The following SLC2A14 variants were observed in gnomAD, a reference collection of about 807,000 sequenced individuals.
SLC2A14 encodes the protein solute carrier family 2, facilitated glucose transporter member 14.
SLC2A14 carries 13 observed loss-of-function variants against 43.0 expected under a neutral mutation model. The ratio of observed to expected loss-of-function variants is 0.30; its 90% CI spans 0.20 to 0.48. The LOEUF is 0.48. Ranked by LOEUF, SLC2A14 falls within the 20% of genes least tolerant of loss-of-function variation. SLC2A14 has a pLI of 0.99. For missense variants in SLC2A14, 428 were observed against 620.4 expected (o/e 0.69, Z 3.29); for synonymous variants, 190 against 233.8 (o/e 0.81, Z 1.71).
At position 7,812,980 on chromosome 12, in the gene SLC2A14, T is replaced by C. The variant is rs1863157830; in HGVS notation, c.*1336A>G. Reference sequence around the variant, plus strand: ...CTGCACTGCACATTGACTCATACTGTCTAAACCTGGTTTATTGGAAAGATT... The same window carrying C: ...CTGCACTGCACATTGACTCATACTGCCTAAACCTGGTTTATTGGAAAGATT... On this transcript the variant is annotated 3_prime_UTR_variant, in exon 11 of 11. Transcript: ENST00000431042. 1 of 152,066 alleles carries C rather than the reference T, an allele frequency of 6.6e-6. No homozygotes were observed. The highest frequency in any genetic ancestry group is 2.4e-5 in the African/African-American group (1 of 41,382). The allele number at this position is 152,066 out of a possible 1,614,324, so 9.4% of individuals were successfully genotyped here. A position where few individuals can be genotyped will look rare whatever the true frequency, so the allele number is the denominator to read the frequency against.
chr12:7,835,329 G>A (rs1032361357), intron 2 of SLC2A14, among the ~76,000 whole-genome samples: 1 of 152,156 alleles, frequency 6.6e-6, no homozygotes, highest in African/African-American at 2.4e-5. Context: ...AGAGGTTGCA[G>A]TCAGCCGAGA....
At position 7,829,927 on chromosome 12, in the gene SLC2A14, C is replaced by T; in HGVS notation, c.352G>A (p.Val118Ile). The change falls in exon 5 of 11, where the codon GTT becomes ATT. Residue 118 changes from valine (V) to isoleucine (I), a missense_variant. Transcript: ENST00000431042. Reference protein sequence around the residue: ...LMGLCKIAESVEMLILGRLVI... With the variant: ...LMGLCKIAESIEMLILGRLVI... ...AAGCGGCCCAGGATCAGCATTTCAA[C>T]TGACTCAGCTATTTTACACAGTCCC... is the stretch of plus-strand genomic sequence containing the variant. 1 of 1,614,238 alleles carries T rather than the reference C, an allele frequency of 6.2e-7. No individual in the cohort carries two copies. The highest frequency in any genetic ancestry group is 8.5e-7 in the Non-Finnish European group (1 of 1,180,036).
intron 1 of SLC2A14, among the ~76,000 whole-genome samples, chr12:7,887,415 C>T (rs1273598670): frequency 6.6e-6 from 1 of 152,028 alleles, no homozygotes; most frequent in Non-Finnish European, 1.5e-5. Flanking sequence ...CTCTAACAAG[C>T]TCCCAGGTGG....
At chr12:7,838,629 G>A (rs974580930) in intron 2 of SLC2A14, among the ~76,000 whole-genome samples, 1 of 152,190 alleles carries the variant, frequency 6.6e-6, no homozygotes, top group Admixed American at 6.5e-5. Context: ...AAATTTAGAT[G>A]ATATTCAGAT....
intron 2 of SLC2A14, among the ~76,000 whole-genome samples, chr12:7,866,014 C>G (rs919113108): frequency 1.3e-5 from 2 of 151,910 alleles, no homozygotes; most frequent in East Asian, 1.9e-4. Context: ...GTCAGGAGTT[C>G]GAGACCATCC....
At chr12:7,862,824 C>T (rs951154009) in intron 2 of SLC2A14, among the ~76,000 whole-genome samples, 3 of 152,054 alleles carry the variant, frequency 2.0e-5, no homozygotes, top group African/African-American at 2.4e-5. Flanking sequence ...CTGGTGGGGC[C>T]TTGGAGAATC....
intron 10 of SLC2A14, among the ~76,000 whole-genome samples, chr12:7,816,730 T>C (rs1863488267): frequency 6.6e-6 from 1 of 151,844 alleles, no homozygotes; most frequent in African/African-American, 2.4e-5. Context: ...GTTTTTGAGA[T>C]GGAGTCTAGC....
chr12:7,834,530 CTTT>C (rs71038782), intron 2 of SLC2A14, among the ~76,000 whole-genome samples: 14 of 113,230 alleles, frequency 1.2e-4, no homozygotes, highest in South Asian at 2.9e-4. Context: ...TTCTCTCTCT[CTTT>C]TTTTTTTTTT....
intron 2 of SLC2A14, among the ~76,000 whole-genome samples, chr12:7,862,581 C>T (rs773236840): frequency 3.3e-5 from 5 of 152,122 alleles, no homozygotes; most frequent in East Asian, 1.9e-4. Context: ...GCACATGGCG[C>T]GGGACTGGCA....
rs763992696 is a variant in SLC2A14, at chr12:7,815,688, T to C, written c.1276-1154A>G. ...GCCTCCCAGGTTCAAGCGATTCTCC[T>C]GCCTCAGCCTCCTGAGTAGCTGGGA... On this transcript the variant is annotated intron_variant, in intron 10 of 10. Coordinates refer to ENST00000431042, the MANE Select transcript of SLC2A14 (RefSeq NM_001286234.2). Among the ~76,000 whole-genome samples, 9 of 152,170 alleles carry C rather than the reference T, an allele frequency of 5.9e-5. No individual in the cohort carries two copies. In the South Asian group the frequency reaches 1.9e-3, roughly 32 times the overall value.
At chr12:7,832,583 T>G (rs1865128071) in intron 3 of SLC2A14, 139 bp downstream of exon 3, 1 of 869,926 alleles carries the variant, frequency 1.1e-6, no homozygotes, top group Non-Finnish European at 1.8e-6. Flanking sequence ...TCAAGTGATC[T>G]TTAAGCCTCA....
intron 1 of SLC2A14, among the ~76,000 whole-genome samples, chr12:7,878,976 C>CAA (rs58838986): frequency 0.022 from 1,523 of 69,050 alleles, 176 homozygotes; most frequent in Middle Eastern, 0.051. Context: ...GAGTCCGTCT[C>CAA]AAAAAAAAAA....
At chr12:7,877,663 G>A (rs1469554124), upstream of SLC2A14, among the ~76,000 whole-genome samples, 1 of 152,022 alleles carries the variant, frequency 6.6e-6, no homozygotes, top group Admixed American at 6.6e-5. Flanking sequence ...GACCTCGGGT[G>A]ATCCGCCCGC....
In SLC2A14 at chr12:7,819,565, C is replaced by T; in HGVS notation, c.988G>A (p.Ala330Thr). ...ATCATATGCAGAGTCCTTCTTCCTG[C>T]CCTTTCCACCAGAAATAGCTGGAAG... Reference protein sequence around the residue: ...TLLSLFLVERAGRRTLHMIGL... With the variant: ...TLLSLFLVERTGRRTLHMIGL... Residue 330 changes from alanine to threonine, a missense_variant, in exon 9 of 11, where the codon GCA (alanine) becomes ACA (threonine). Around this residue, in one of 4 missense-constraint regions of SLC2A14, gnomAD observed 185 missense variants for 275.4 expected, o/e 0.67. Coordinates refer to ENST00000431042, the MANE Select transcript of SLC2A14 (RefSeq NM_001286234.2). 3 of 1,602,584 alleles carry T rather than the reference C, an allele frequency of 1.9e-6. No individual in the cohort carries two copies. The highest frequency in any genetic ancestry group is 1.1e-5 in the South Asian group (1 of 88,874).
intron 7 of SLC2A14, among the ~76,000 whole-genome samples, chr12:7,826,862 T>TCC (rs869102115): frequency 0.49 from 13,904 of 28,584 alleles, 2,783 homozygotes; most frequent in Middle Eastern, 0.57. Flanking sequence ...TCCTTTCTTT[T>TCC]TTCTTTCTTT....
upstream of SLC2A14, among the ~76,000 whole-genome samples, chr12:7,876,187 A>G (rs1201939858): frequency 1.4e-5 from 2 of 147,414 alleles, no homozygotes; most frequent in Non-Finnish European, 3.0e-5. Flanking sequence ...AGGTGGAGGC[A>G]GGAGAATGGC....
intron 4 of SLC2A14, among the ~76,000 whole-genome samples, chr12:7,830,706 G>A (rs897494636): frequency 1.3e-5 from 2 of 152,140 alleles, no homozygotes; most frequent in African/African-American, 4.8e-5. Flanking sequence ...ATTTTTAAAT[G>A]TGAATTACAT....
chr12:7,861,072 G>A (rs1368352134), intron 2 of SLC2A14, among the ~76,000 whole-genome samples: 1 of 152,090 alleles, frequency 6.6e-6, no homozygotes, highest in African/African-American at 2.4e-5. Flanking sequence ...GATTACAGGC[G>A]TGAGCCACCT....
In SLC2A14 at chr12:7,865,394, G is replaced by A. The variant is rs775896243; in HGVS notation, c.18+4469C>T. Among the ~76,000 whole-genome samples, 61 of 152,040 alleles carry A rather than the reference G, an allele frequency of 4.0e-4. 1 individual carries two copies. Among genetic ancestry groups the A allele is most frequent in the African/African-American group, 1.3e-3 (52 of 41,490 alleles). On this transcript the variant is annotated intron_variant, in intron 2 of 10. Transcript: ENST00000431042. ...CTACTAAAAACACAAAATATTCGCC[G>A]GGCGTGGTGGCACATGCCTGTAGTC... is the stretch of plus-strand genomic sequence containing the variant.
Sources: gnomAD v4.1 joint callset for allele counts (sites outside exome capture counted in the v4.1 genomes callset) on GRCh38, gnomAD v4.1.1 for gene constraint, gnomAD v4.1.1 regional missense constraint, MANE v1.5 for transcripts, NCBI Gene and HGNC (gene_info 2026-07-23, HGNC 2026-07-21) for gene names.